The following DOCK3 variants were observed in gnomAD, a reference collection of about 807,000 sequenced individuals.
DOCK3 encodes dedicator of cytokinesis protein 3.
Under a neutral mutation model 265.6 loss-of-function variants are expected in DOCK3, and 60 were observed. The ratio of observed to expected loss-of-function variants is 0.23; its 90% CI spans 0.18 to 0.28. The LOEUF is 0.28. Among genes scored for constraint, DOCK3 ranks in the 10% least tolerant of loss-of-function variants. The pLI is 1.00. For missense variants in DOCK3, 1,981 were observed against 2,594.3 expected (o/e 0.76, Z 5.14); for synonymous variants, 881 against 938.0 (o/e 0.94, Z 1.11).
At chr3:51,065,413 G>A (rs570139383) in intron 6 of DOCK3, among the ~76,000 whole-genome samples, 1 of 152,288 alleles carries the variant, frequency 6.6e-6, no homozygotes, top group East Asian at 1.9e-4. Flanking sequence ...AAGCCGGAAA[G>A]TAGATGAAAG....
At chr3:51,045,186 G>A (rs2080721024) in intron 5 of DOCK3, among the ~76,000 whole-genome samples, 1 of 152,014 alleles carries the variant, frequency 6.6e-6, no homozygotes, top group Non-Finnish European at 1.5e-5. Flanking sequence ...CATGACTCTT[G>A]TTTTCCCCTT....
chr3:51,199,153 G>C (rs556985301), intron 12 of DOCK3, among the ~76,000 whole-genome samples: 1 of 152,320 alleles, frequency 6.6e-6, no homozygotes, highest in South Asian at 2.1e-4. Context: ...GAGGTACCGG[G>C]TTCATCTCAC....
At chr3:50,688,649 G>C (rs2035006680) in intron 1 of DOCK3, among the ~76,000 whole-genome samples, 2 of 152,122 alleles carry the variant, frequency 1.3e-5, no homozygotes, top group South Asian at 2.1e-4. Flanking sequence ...TTTTAGTAGA[G>C]ACAGAGTTTC....
intron 2 of DOCK3, among the ~76,000 whole-genome samples, chr3:50,805,630 G>C (rs938021051): frequency 3.3e-5 from 5 of 152,172 alleles, no homozygotes; most frequent in African/African-American, 7.2e-5. Context: ...CTTCTTGACT[G>C]ACCTGTGGGC....
At chr3:50,856,528 T>C (rs1327840000) in intron 3 of DOCK3, among the ~76,000 whole-genome samples, 1 of 152,156 alleles carries the variant, frequency 6.6e-6, no homozygotes, top group Non-Finnish European at 1.5e-5. Context: ...CACTTTTTAA[T>C]GGGGTTATTT....
intron 9 of DOCK3, among the ~76,000 whole-genome samples, chr3:51,091,763 T>C (rs1056128722): frequency 2.0e-5 from 3 of 151,550 alleles, no homozygotes; most frequent in Admixed American, 6.6e-5. Context: ...CCCAGCAAGA[T>C]TGATGCAGAA....
chr3:50,833,312 C>T (rs2045307983), intron 2 of DOCK3, among the ~76,000 whole-genome samples: 1 of 152,104 alleles, frequency 6.6e-6, no homozygotes, highest in East Asian at 1.9e-4. Context: ...ATTTTTTTCT[C>T]TTTAGTCTTC....
intron 25 of DOCK3, among the ~76,000 whole-genome samples, chr3:51,276,011 TTTA>T (rs1479321040): frequency 6.6e-6 from 1 of 152,190 alleles, no homozygotes; most frequent in Non-Finnish European, 1.5e-5. Flanking sequence ...ATTATACCAT[TTTA>T]TTAGGTTGCT....
At chr3:50,926,109 AT>A (rs1356453121) in intron 4 of DOCK3, among the ~76,000 whole-genome samples, 1 of 152,036 alleles carries the variant, frequency 6.6e-6, no homozygotes, top group East Asian at 1.9e-4. Flanking sequence ...ATAGCAGGCC[AT>A]TTTGGCAGCT....
chr3:51,259,476 C>T (rs890733359), intron 22 of DOCK3, among the ~76,000 whole-genome samples: 26 of 152,136 alleles, frequency 1.7e-4, no homozygotes, highest in Admixed American at 5.9e-4. Context: ...ATGGGCCAAG[C>T]GTCAGGAACT....
intron 27 of DOCK3, among the ~76,000 whole-genome samples, chr3:51,289,878 A>T (rs1206816606): frequency 6.6e-6 from 1 of 152,230 alleles, no homozygotes; most frequent in Non-Finnish European, 1.5e-5. Flanking sequence ...GGCGAAGGAT[A>T]TGAACAGACA....
At chr3:51,280,277 CAG>C (rs1311331830) in intron 27 of DOCK3, 73 bp downstream of exon 27, 2 of 1,397,172 alleles carry the variant, frequency 1.4e-6, no homozygotes. Context: ...TTTTCCCTGT[CAG>C]GGGGATGAAT....
chr3:51,167,951 T>A (rs185958992), intron 12 of DOCK3, among the ~76,000 whole-genome samples: 101 of 152,348 alleles, frequency 6.6e-4, no homozygotes, highest in African/African-American at 2.4e-3. Context: ...CTGATTGCTC[T>A]GGCTAGAACT....
chr3:51,242,966 G>A (rs972378947), intron 21 of DOCK3, among the ~76,000 whole-genome samples: 1 of 152,146 alleles, frequency 6.6e-6, no homozygotes, highest in Non-Finnish European at 1.5e-5. Flanking sequence ...CCCCCATCAA[G>A]CATGGTCTGT....
chr3:50,783,264 T>C (rs2042018298), intron 2 of DOCK3, among the ~76,000 whole-genome samples: 2 of 152,294 alleles, frequency 1.3e-5, no homozygotes, highest in Admixed American at 6.5e-5. Flanking sequence ...CTGTTTTTCA[T>C]AGTGGTTGTA....
At chr3:51,084,712 T>C (rs925631352) in intron 7 of DOCK3, among the ~76,000 whole-genome samples, 18 of 151,812 alleles carry the variant, frequency 1.2e-4, no homozygotes, top group African/African-American at 4.1e-4. Context: ...AACATTACCA[T>C]CATAAAAAAA....
intron 2 of DOCK3, among the ~76,000 whole-genome samples, chr3:50,796,864 T>G (rs1422326074): frequency 6.6e-6 from 1 of 152,154 alleles, no homozygotes; most frequent in Non-Finnish European, 1.5e-5. Context: ...TTTAGGGGGC[T>G]AATGCTCACT....
chr3:51,037,949 GA>G (rs1327594860), intron 5 of DOCK3, among the ~76,000 whole-genome samples: 2 of 152,150 alleles, frequency 1.3e-5, no homozygotes, highest in Admixed American at 6.5e-5. Flanking sequence ...TTAAACAATT[GA>G]AACATAGAAA....
At chr3:51,197,961 TC>T (rs2088425794) in intron 12 of DOCK3, among the ~76,000 whole-genome samples, 1 of 152,196 alleles carries the variant, frequency 6.6e-6, no homozygotes, top group Non-Finnish European at 1.5e-5. Context: ...CCAGTCTCCA[TC>T]CTGGTGGCAC....
Sources: allele counts gnomAD v4.1 joint callset (sites outside exome capture counted in the v4.1 genomes callset), GRCh38; gene constraint gnomAD v4.1.1; transcripts MANE v1.5; gene names NCBI Gene and HGNC (gene_info 2026-07-23, HGNC 2026-07-21).